TCF7L2: variants seen among roughly 807,000 people sequenced by gnomAD.
The protein encoded by TCF7L2 is transcription factor 7-like 2.
TCF7L2 carries 23 observed loss-of-function variants against 77.9 expected under a neutral mutation model. The observed-to-expected ratio is 0.30, with a 90% confidence interval of 0.21 to 0.42. The LOEUF is 0.42. TCF7L2 is among the 10% of genes least tolerant of loss of function. The pLI, the probability that TCF7L2 is intolerant of heterozygous loss-of-function variation, is 1.00. For synonymous variants in TCF7L2, 413 were observed against 340.2 expected (o/e 1.21, Z -2.36); for missense variants, 654 against 793.1 (o/e 0.82, Z 2.11).
chr10:113,122,609 A>G (rs1393098735), intron 5 of TCF7L2, among the ~76,000 whole-genome samples: 4 of 152,240 alleles, frequency 2.6e-5, no homozygotes, highest in Admixed American at 6.5e-5. Context: ...GTATGCAGGA[A>G]TAAAGATTTT....
chr10:113,160,054 C>T, intron 12 of TCF7L2, 62 bp downstream of exon 14: 5 of 1,446,944 alleles, frequency 3.5e-6, no homozygotes, highest in South Asian at 1.2e-5. Context: ...ATCCTCTCCC[C>T]CTTCTCTGGC....
intron 5 of TCF7L2, among the ~76,000 whole-genome samples, chr10:113,060,840 T>C (rs1481156154): frequency 6.6e-6 from 1 of 152,058 alleles, no homozygotes; most frequent in Admixed American, 6.6e-5. Context: ...TCGCCTGTTG[T>C]GGCTGAGTGC....
At chr10:112,957,947 T>C (rs563349736) in intron 3 of TCF7L2, among the ~76,000 whole-genome samples, 1 of 152,338 alleles carries the variant, frequency 6.6e-6, no homozygotes, top group Admixed American at 6.5e-5. Context: ...ATGATGGCTC[T>C]CATTTCTGAC....
chr10:112,985,354 T>C (rs182885387), intron 4 of TCF7L2, among the ~76,000 whole-genome samples: 3 of 152,346 alleles, frequency 2.0e-5, no homozygotes, highest in African/African-American at 7.2e-5. Flanking sequence ...GGCTTTCAAA[T>C]GGACTTCAGG....
chr10:113,162,486 C>G (rs1359134212), intron 13 of TCF7L2, among the ~76,000 whole-genome samples: 2 of 151,870 alleles, frequency 1.3e-5, no homozygotes, highest in East Asian at 3.9e-4. Flanking sequence ...CTTCAGAGAC[C>G]AGAATTTTAT....
At chr10:113,034,673 G>A (rs2050829580) in intron 4 of TCF7L2, among the ~76,000 whole-genome samples, 1 of 151,978 alleles carries the variant, frequency 6.6e-6, no homozygotes, top group Non-Finnish European at 1.5e-5. Context: ...AGGTGGGAGG[G>A]TCATCTGAGG....
intron 11 of TCF7L2, 148 bp from the exon 12 acceptor site, chr10:113,157,873 G>C (rs1328601308): frequency 1.3e-6 from 1 of 767,550 alleles, no homozygotes; most frequent in Non-Finnish European, 2.1e-6. Flanking sequence ...TTGAAGCGGG[G>C]TTGGAGGTTG....
intron 4 of TCF7L2, among the ~76,000 whole-genome samples, chr10:113,006,187 C>T (rs147187451): frequency 7.2e-5 from 11 of 152,008 alleles, no homozygotes; most frequent in African/African-American, 1.9e-4. Context: ...CACATTCTGC[C>T]GTAATGAAAG....
chr10:113,065,671 G>T (rs1466619058), intron 5 of TCF7L2, among the ~76,000 whole-genome samples: 9 of 152,110 alleles, frequency 5.9e-5, no homozygotes, highest in Non-Finnish European at 1.2e-4. Flanking sequence ...GTTTTGGTTT[G>T]GGCTCTGGCT....
chr10:112,990,822 ACTCAT>A (rs1285168785), intron 4 of TCF7L2, among the ~76,000 whole-genome samples: 1 of 152,190 alleles, frequency 6.6e-6, no homozygotes, highest in Non-Finnish European at 1.5e-5. Flanking sequence ...ACGTTTCCGT[ACTCAT>A]CTCAATGGGT....
intron 4 of TCF7L2, among the ~76,000 whole-genome samples, chr10:112,973,398 A>G (rs144733171): frequency 1.3e-5 from 2 of 152,096 alleles, no homozygotes; most frequent in Admixed American, 1.3e-4. Context: ...CCGAGTCAGC[A>G]TCTCTGGGGG....
At chr10:113,104,665 A>C (rs2062051067) in intron 5 of TCF7L2, among the ~76,000 whole-genome samples, 1 of 152,096 alleles carries the variant, frequency 6.6e-6, no homozygotes, top group Non-Finnish European at 1.5e-5. Context: ...CCACTTATTT[A>C]ATTTGATCTC....
At chr10:113,051,072 T>C (rs115917913) in intron 5 of TCF7L2, among the ~76,000 whole-genome samples, 2,458 of 152,194 alleles carry the variant, frequency 0.016, 72 homozygotes, top group African/African-American at 0.055. Context: ...ACACTTCCCT[T>C]GTTCCACTCG....
intron 4 of TCF7L2, among the ~76,000 whole-genome samples, chr10:113,006,940 G>C (rs1159851029): frequency 6.6e-6 from 1 of 152,214 alleles, no homozygotes; most frequent in African/African-American, 2.4e-5. Context: ...TGTCCTCACT[G>C]ATGCACCTGC....
At chr10:113,094,467 C>G (rs1395367740) in intron 5 of TCF7L2, among the ~76,000 whole-genome samples, 1 of 152,146 alleles carries the variant, frequency 6.6e-6, no homozygotes, top group African/African-American at 2.4e-5. Context: ...GAAGTATTTG[C>G]TAATTTAGAA....
chr10:113,009,430 C>G (rs2133561717), intron 4 of TCF7L2, among the ~76,000 whole-genome samples: 1 of 152,288 alleles, frequency 6.6e-6, no homozygotes, highest in East Asian at 1.9e-4. Flanking sequence ...CCTGGAGACT[C>G]TCGCCTGCAT....
chr10:113,090,181 A>G (rs992600245), intron 5 of TCF7L2, among the ~76,000 whole-genome samples: 4 of 152,232 alleles, frequency 2.6e-5, no homozygotes, highest in Non-Finnish European at 4.4e-5. Flanking sequence ...GTCCTGAAGA[A>G]AAAATAACAC....
intron 5 of TCF7L2, among the ~76,000 whole-genome samples, chr10:113,134,074 C>T (rs1166729705): frequency 6.6e-6 from 1 of 152,218 alleles, no homozygotes; most frequent in East Asian, 1.9e-4. Flanking sequence ...TTATTTCCAA[C>T]AGGCAGTGCT....
At chr10:113,108,951 A>C (rs2062765666) in intron 5 of TCF7L2, among the ~76,000 whole-genome samples, 1 of 152,186 alleles carries the variant, frequency 6.6e-6, no homozygotes, top group Admixed American at 6.5e-5. Context: ...TGTTTATTTA[A>C]AAATCAGAAG....
Sources: gnomAD v4.1 joint callset for allele counts (sites outside exome capture counted in the v4.1 genomes callset) on GRCh38, gnomAD v4.1.1 for gene constraint, MANE v1.5 for transcripts, NCBI Gene and HGNC (gene_info 2026-07-23, HGNC 2026-07-21) for gene names.